The following PHACTR2 variants were observed in gnomAD, a reference collection of about 807,000 sequenced individuals.
PHACTR2 encodes the protein phosphatase and actin regulator 2, also known as chromosome 6 open reading frame 56.
A neutral mutation model predicts 76.0 loss-of-function variants in PHACTR2; 30 were observed. The observed-to-expected ratio is 0.39, with a 90% CI of 0.30 to 0.54. The LOEUF is 0.54. PHACTR2 is among the 20% of genes least tolerant of loss of function. The pLI, the probability that PHACTR2 is intolerant of heterozygous loss-of-function variation, is 0.61. For missense variants in PHACTR2, 696 were observed against 781.1 expected, an observed-to-expected ratio of 0.89 and a Z score of 1.30; for synonymous variants, 292 against 292.5, an observed-to-expected ratio of 1.00 and a Z score of 0.02.
At chr6:143,768,531 T>C (rs1775011547) in intron 6 of PHACTR2, among the ~76,000 whole-genome samples, 2 of 152,180 alleles carry the variant, frequency 1.3e-5, no homozygotes, top group Non-Finnish European at 2.9e-5. Context: ...CCTGATATAG[T>C]CTTAAACACT....
intron 1 of PHACTR2, among the ~76,000 whole-genome samples, chr6:143,655,292 A>T (rs1201682036): frequency 1.3e-5 from 2 of 152,196 alleles, no homozygotes; most frequent in Admixed American, 1.3e-4. Context: ...AAAGTACATT[A>T]GTGGTTGTCT....
chr6:143,593,046 C>CA (rs67052242), intron 1 of PHACTR2, among the ~76,000 whole-genome samples: 1,792 of 78,198 alleles, frequency 0.023, 27 homozygotes, highest in East Asian at 0.042. Context: ...GACCCTGCCT[C>CA]AAAAAAAAAA....
At position 143,754,649 on chromosome 6, in the gene PHACTR2, G is replaced by A. The variant is rs1206518144; in HGVS notation, c.454+737G>A. On this transcript the variant is annotated intron_variant, in intron 4 of 12. Coordinates refer to ENST00000440869, the MANE Select transcript of PHACTR2 (RefSeq NM_001100164.2). This position sits in a 1 kb window ranked among gnomAD's most constrained non-coding sequence, Gnocchi z 6.2. ...GAACATTCACAAATTCCTAGTTATG[G>A]ATTGATGACATCTCGATACCACTGC... is the stretch of plus-strand genomic sequence containing the variant. Among the ~76,000 whole-genome samples, 1 of 152,174 alleles carries A rather than the reference G, an allele frequency of 6.6e-6. No homozygotes were observed. Among genetic ancestry groups the A allele is most frequent in the East Asian group, 1.9e-4 (1 of 5,192 alleles).
Position 143,549,972 on chromosome 6 carries a change from A to T in PHACTR2, c.217+12765A>T, listed in dbSNP as rs543736950. Among the ~76,000 whole-genome samples, 27 of 152,024 alleles carry T rather than the reference A, an allele frequency of 1.8e-4. No homozygotes were observed. The highest frequency in any genetic ancestry group is 3.7e-4 in the Non-Finnish European group (25 of 67,972). On this transcript the variant is annotated intron_variant, in intron 1 of 11. Transcript: ENST00000367584. This position sits in a 1 kb window ranked among gnomAD's most constrained non-coding sequence, Gnocchi z 4.2. ...CACACCACAAAGGATGAAAACTGAG[A>T]GTCCCGGTCAGCTTACACCAGAAAG...
At chr6:143,771,349 A>T (rs1372890993) in intron 6 of PHACTR2, among the ~76,000 whole-genome samples, 2 of 146,270 alleles carry the variant, frequency 1.4e-5, no homozygotes, top group Non-Finnish European at 3.0e-5. Context: ...AATCCTTCCC[A>T]GGCTCAAGCT....
In PHACTR2 at chr6:143,597,351, C is replaced by T. The variant is rs1377858889; in HGVS notation, c.217+60144C>T. 2.6e-5 allele frequency among the ~76,000 whole-genome samples: 4 copies of T among 152,242 alleles called. No homozygotes were observed. The East Asian group carries it at 7.7e-4, about 29-fold the overall frequency. ...TTGTACGGAAACATAATACTGGCTT[C>T]CAGGTGAGTAGTAAAGACCTCATGC... is the stretch of plus-strand genomic sequence containing the variant. On this transcript the variant is annotated intron_variant, in intron 1 of 11. Coordinates refer to the PHACTR2 transcript ENST00000367584. This position sits in a 1 kb window ranked among gnomAD's most constrained non-coding sequence, Gnocchi z 5.7.
At chr6:143,551,528 G>C (rs945348219) in intron 1 of PHACTR2, among the ~76,000 whole-genome samples, 1 of 152,096 alleles carries the variant, frequency 6.6e-6, no homozygotes, top group African/African-American at 2.4e-5. Context: ...AAAAAGGTAA[G>C]GCTGAACAAG....
At chr6:143,703,963 A>G (rs1366794521) in intron 1 of PHACTR2, among the ~76,000 whole-genome samples, 3 of 152,210 alleles carry the variant, frequency 2.0e-5, no homozygotes, top group South Asian at 2.1e-4. Context: ...TCCCATAAAT[A>G]TGTATCATAT....
chr6:143,657,382 C>A (rs1197815672), intron 1 of PHACTR2, among the ~76,000 whole-genome samples: 1 of 151,640 alleles, frequency 6.6e-6, no homozygotes, highest in Non-Finnish European at 1.5e-5. Flanking sequence ...CATGCCCTTC[C>A]CAGTCAGTCC....
At chr6:143,677,945 T>C, upstream of PHACTR2, 1 of 1,115,844 alleles carries the variant, frequency 9.0e-7, no homozygotes, top group Non-Finnish European at 1.1e-6. Context: ...CCAGCTAATC[T>C]GCATAGAGGA....
chr6:143,729,421 C>A (rs192177238), intron 2 of PHACTR2, among the ~76,000 whole-genome samples: 46 of 152,120 alleles, frequency 3.0e-4, no homozygotes, highest in Non-Finnish European at 4.6e-4. Flanking sequence ...TCTCAGGTCA[C>A]AAAGATTTTT....
chr6:143,669,823 T>C (rs1013313064), intron 1 of PHACTR2, among the ~76,000 whole-genome samples: 1 of 152,214 alleles, frequency 6.6e-6, no homozygotes, highest in Admixed American at 6.5e-5. Flanking sequence ...ATCTGTGTCT[T>C]TTAATTGGGG....
At chr6:143,758,582 C>T (rs531671495) in intron 4 of PHACTR2, among the ~76,000 whole-genome samples, 197 of 152,156 alleles carry the variant, frequency 1.3e-3, no homozygotes, top group African/African-American at 4.5e-3. Context: ...GTTAAGAGGG[C>T]CATTACTATT....
chr6:143,655,198 C>A (rs182531758), intron 1 of PHACTR2, among the ~76,000 whole-genome samples: 208 of 150,770 alleles, frequency 1.4e-3, no homozygotes, highest in Non-Finnish European at 2.5e-3. Context: ...AAGAAAACAT[C>A]ATGCTAAGTG....
chr6:143,766,724 C>T (rs1324731135), intron 6 of PHACTR2, among the ~76,000 whole-genome samples: 3 of 152,198 alleles, frequency 2.0e-5, no homozygotes, highest in African/African-American at 7.2e-5. Flanking sequence ...AAGCTGGAAA[C>T]CTGGGGTTCA....
Position 143,571,575 on chromosome 6 carries a change from A to AAT in PHACTR2, c.217+34368_217+34369insAT. 1.3e-5 allele frequency among the ~76,000 whole-genome samples: 2 copies of AAT among 151,772 alleles called. No homozygotes were observed. The highest frequency in any genetic ancestry group is 2.9e-5 in the Non-Finnish European group (2 of 67,906). On this transcript the variant is annotated intron_variant, in intron 1 of 11. Transcript: ENST00000367584. This position sits in a 1 kb window ranked among gnomAD's most constrained non-coding sequence, Gnocchi z 4.6. ...AGGTGTGCACTGCCACACCTGGTTAATTTTTTTTAAAATTTTTTTATAGAG... is the reference window on the plus strand; with the variant it reads ...AGGTGTGCACTGCCACACCTGGTTAAATTTTTTTTTAAAATTTTTTTATAGAG...
In PHACTR2 at chr6:143,777,227, A is replaced by G. The variant is rs1343789495; in HGVS notation, c.1590-101A>G. ...TTTGCAGCTTTAAAAATGGATTTTT[A>G]TTTCTCAAAACATGAAAAATAGAGC... On this transcript the variant is annotated intron_variant, in intron 8 of 12. Transcript: ENST00000440869. The surrounding 1 kb of genome is among the most constrained non-coding windows in gnomAD (Gnocchi z 4.6). 1.6e-6 allele frequency: 1 copy of G among 624,516 alleles called. No individual in the cohort carries two copies. The highest frequency in any genetic ancestry group is 1.9e-5 in the African/African-American group (1 of 52,454). 38.7% of individuals were successfully genotyped at this position (624,516 alleles called of 1,614,324 possible).
In PHACTR2 at chr6:143,625,573, T is replaced by C. The variant is rs1776244144; in HGVS notation, c.13+17251T>C. On this transcript the variant is annotated intron_variant, in intron 1 of 11. Transcript: ENST00000305766. The surrounding 1 kb of genome is among the most constrained non-coding windows in gnomAD (Gnocchi z 4.3). ...CCTTGTGCGGTGTGTCTCCAATAGA[T>C]GTAATATCACCAGTGACTGTGGGAA... Among the ~76,000 whole-genome samples, 1 of 152,216 alleles carries C rather than the reference T, an allele frequency of 6.6e-6. No individual in the cohort carries two copies. Among genetic ancestry groups the C allele is most frequent in the African/African-American group, 2.4e-5 (1 of 41,460 alleles).
rs976664567 is a variant in PHACTR2, at chr6:143,617,224, C to T, written c.13+8902C>T. On this transcript the variant is annotated intron_variant, in intron 1 of 11. Transcript: ENST00000305766. This position sits in a 1 kb window ranked among gnomAD's most constrained non-coding sequence, Gnocchi z 4.8. Reference sequence around the variant, plus strand: ...ACATATCCCATCTTACAACGTCTTCCCAACTGGTCTCCAAGCCCTGAATTT... The same window carrying T: ...ACATATCCCATCTTACAACGTCTTCTCAACTGGTCTCCAAGCCCTGAATTT... 6.6e-6 allele frequency among the ~76,000 whole-genome samples: 1 copy of T among 152,162 alleles called. No homozygotes were observed. Among genetic ancestry groups the T allele is most frequent in the African/African-American group, 2.4e-5 (1 of 41,438 alleles).
Sources: allele counts gnomAD v4.1 joint callset (sites outside exome capture counted in the v4.1 genomes callset), GRCh38; gene constraint gnomAD v4.1.1; non-coding constraint Gnocchi (gnomAD v3.1); transcripts MANE v1.5; gene names NCBI Gene and HGNC (gene_info 2026-07-23, HGNC 2026-07-21).